Variants in CCDC178 observed in about 807,000 individuals in gnomAD.
CCDC178 encodes the protein coiled-coil domain containing 178, also known as coiled-coil domain-containing protein 178.
CCDC178 carries 126 observed loss-of-function variants against 117.4 expected under a neutral mutation model. That is an observed-to-expected ratio of 1.07 (90% CI 0.93 to 1.24). The LOEUF is 1.24. CCDC178 is among the 50% of genes most tolerant of loss of function. The pLI is 0.00. For synonymous variants in CCDC178, 283 were observed against 313.4 expected (o/e 0.90, Z 1.02); for missense variants, 1,030 against 986.9 (o/e 1.04, Z -0.59).
At chr18:33,217,734 C>A (rs549576714) in intron 18 of CCDC178, among the ~76,000 whole-genome samples, 1 of 151,950 alleles carries the variant, frequency 6.6e-6, no homozygotes, top group African/African-American at 2.4e-5. Context: ...CTTTTTATTT[C>A]TTTTTGCCCT....
intron 5 of CCDC178, among the ~76,000 whole-genome samples, chr18:33,386,500 C>A (rs138187680): frequency 3.9e-5 from 6 of 152,240 alleles, no homozygotes; most frequent in Admixed American, 1.3e-4. Flanking sequence ...CCAAATATAG[C>A]AGCACATCAA....
chr18:33,223,016 C>T (rs1340928410), intron 18 of CCDC178, 90 bp downstream of exon 18: 1 of 902,562 alleles, frequency 1.1e-6, no homozygotes, highest in Non-Finnish European at 1.7e-6. Flanking sequence ...AAATGAGACA[C>T]ATTCATTTAA....
chr18:33,096,390 A>G (rs2057545332), intron 20 of CCDC178, among the ~76,000 whole-genome samples: 1 of 146,110 alleles, frequency 6.8e-6, no homozygotes, highest in African/African-American at 2.5e-5. Flanking sequence ...ATAAAAATAT[A>G]AAAATATAAA....
intron 22 of CCDC178, among the ~76,000 whole-genome samples, chr18:32,951,656 A>G (rs2054487123): frequency 6.6e-6 from 1 of 152,064 alleles, no homozygotes; most frequent in African/African-American, 2.4e-5. Flanking sequence ...CTCCTCCCAA[A>G]TCTCATGTCC....
At chr18:33,021,563 C>G (rs2056117651) in intron 21 of CCDC178, among the ~76,000 whole-genome samples, 1 of 152,040 alleles carries the variant, frequency 6.6e-6, no homozygotes, top group African/African-American at 2.4e-5. Flanking sequence ...ACACACAACA[C>G]ACACAAAACT....
chr18:33,167,074 C>G (rs369217729), intron 20 of CCDC178, among the ~76,000 whole-genome samples: 96 of 152,210 alleles, frequency 6.3e-4, no homozygotes, highest in African/African-American at 2.2e-3. Flanking sequence ...ATAATGGCCT[C>G]CAGCTCCATT....
intron 21 of CCDC178, among the ~76,000 whole-genome samples, chr18:33,085,293 G>A (rs2057363648): frequency 6.6e-6 from 1 of 152,218 alleles, no homozygotes; most frequent in Non-Finnish European, 1.5e-5. Flanking sequence ...GCCGGGTACG[G>A]TGGCTCACGC....
At chr18:33,021,771 ATCTACTCCTATTTGAACTTTTC>A (rs2056123368) in intron 21 of CCDC178, among the ~76,000 whole-genome samples, 2 of 152,182 alleles carry the variant, frequency 1.3e-5, no homozygotes, top group Non-Finnish European at 2.9e-5. Context: ...GCTTTCAAAC[ATCTACTCCTATTTGAACTTTTC>A]TCTACTTCAT....
At chr18:33,265,556 G>A (rs1375327955) in intron 14 of CCDC178, among the ~76,000 whole-genome samples, 3 of 151,892 alleles carry the variant, frequency 2.0e-5, no homozygotes, top group Admixed American at 1.3e-4. Context: ...TACCATGTAT[G>A]GGCTGGAAAA....
Position 33,215,681 on chromosome 18 carries a change from T to G in CCDC178, c.1947A>C (p.Ala649=). The change falls in exon 19 of 23, where the codon GCA becomes GCC. Residue 649 remains alanine, a synonymous_variant. Transcript: ENST00000383096. ...ALIETESKRS[A]IFKDLEATKS... ...TAGTTGCTTCTAGGTCTTTAAAAAT[T>G]GCTGAGCGTTTACTCTGAAAAAAAA... 1 of 1,528,110 alleles carries G rather than the reference T, an allele frequency of 6.5e-7. No individual in the cohort carries two copies. Among genetic ancestry groups the G allele is most frequent in the Non-Finnish European group, 8.7e-7 (1 of 1,145,704 alleles). The allele number at this position is 1,528,110 out of a possible 1,614,324, so 94.7% of individuals were successfully genotyped here.
At chr18:33,012,260 C>A (rs2055886320) in intron 21 of CCDC178, among the ~76,000 whole-genome samples, 1 of 152,090 alleles carries the variant, frequency 6.6e-6, no homozygotes, top group Non-Finnish European at 1.5e-5. Context: ...TGCATGCCAG[C>A]ATTGAAGAAG....
At chr18:33,070,480 G>T (rs1567969365) in intron 21 of CCDC178, among the ~76,000 whole-genome samples, 1 of 151,984 alleles carries the variant, frequency 6.6e-6, no homozygotes, top group African/African-American at 2.4e-5. Flanking sequence ...TTCTCATGGA[G>T]GGAAAGAGCA....
At chr18:32,948,536 G>A (rs1216018603) in intron 22 of CCDC178, among the ~76,000 whole-genome samples, 12 of 152,000 alleles carry the variant, frequency 7.9e-5, no homozygotes, top group Admixed American at 7.9e-4. Flanking sequence ...TAGCTTATGA[G>A]CTTCTTTGCA....
chr18:33,343,935 T>C (rs1042694473), intron 9 of CCDC178, among the ~76,000 whole-genome samples: 22 of 152,230 alleles, frequency 1.4e-4, no homozygotes, highest in Non-Finnish European at 2.9e-4. Context: ...ATATTCTACA[T>C]AAATAATATA....
At chr18:33,394,568 A>T (rs1454881711) in intron 4 of CCDC178, among the ~76,000 whole-genome samples, 1 of 151,914 alleles carries the variant, frequency 6.6e-6, no homozygotes, top group Non-Finnish European at 1.5e-5. Context: ...TCATTGCAAG[A>T]CTTATTAGAG....
chr18:33,371,735 T>C (rs1229554787), intron 5 of CCDC178, among the ~76,000 whole-genome samples: 1 of 151,602 alleles, frequency 6.6e-6, no homozygotes, highest in Non-Finnish European at 1.5e-5. Flanking sequence ...GCTATAACTA[T>C]TTTTTGTATG....
rs117059534 is a variant in CCDC178 at position 33,083,592 on chromosome 18, C to T, written c.2388+9169G>A. On this transcript the variant is annotated intron_variant, in intron 21 of 22. Coordinates refer to ENST00000383096, the MANE Select transcript of CCDC178 (RefSeq NM_001105528.4). ...TACTTCTCTCCCTTTTATTTATCAACTTGCTTTGTATTTTTTAAAATATTC... is the reference window on the plus strand; with the variant it reads ...TACTTCTCTCCCTTTTATTTATCAATTTGCTTTGTATTTTTTAAAATATTC... 2.2e-3 allele frequency among the ~76,000 whole-genome samples: 336 copies of T among 152,180 alleles called. 4 individuals carry two copies. In the Middle Eastern group the frequency reaches 0.037, roughly 17 times the overall value.
chr18:33,312,522 A>G (rs77675039), intron 11 of CCDC178, among the ~76,000 whole-genome samples: 12,232 of 152,138 alleles, frequency 0.08, 547 homozygotes, highest in Non-Finnish European at 0.093. Flanking sequence ...ATGTTCATGA[A>G]AGACGAGGAA....
chr18:33,328,328 C>T lies in CCDC178; in HGVS notation c.880-4695G>A, dbSNP rs139075913. 2.4e-3 allele frequency among the ~76,000 whole-genome samples: 365 copies of T among 152,064 alleles called. 2 individuals carry two copies. The highest frequency in any genetic ancestry group is 8.0e-3 in the African/African-American group (333 of 41,514). ...ATGTTGGCCAGGATGGTCTCGATCTCTTGACCTCGTGATCCGCCCACCTCA... is the reference window on the plus strand; with the variant it reads ...ATGTTGGCCAGGATGGTCTCGATCTTTTGACCTCGTGATCCGCCCACCTCA... On this transcript the variant is annotated intron_variant, in intron 10 of 22. Coordinates refer to ENST00000383096, the MANE Select transcript of CCDC178 (RefSeq NM_001105528.4).
Sources: gnomAD v4.1 joint callset for allele counts (sites outside exome capture counted in the v4.1 genomes callset) on GRCh38, gnomAD v4.1.1 for gene constraint, MANE v1.5 for transcripts, NCBI Gene and HGNC (gene_info 2026-07-23, HGNC 2026-07-21) for gene names.